The following SLC22A8 variants were observed in gnomAD, a reference collection of about 807,000 sequenced individuals.
SLC22A8 encodes the protein organic anion transporter 3.
A neutral mutation model predicts 48.4 loss-of-function variants in SLC22A8; 40 were observed. The ratio of observed to expected loss-of-function variants is 0.83; its 90% CI spans 0.64 to 1.08. The LOEUF (loss-of-function observed/expected upper bound fraction) is 1.08. Among genes scored for constraint, SLC22A8 ranks in the 50% least tolerant of loss-of-function variants. The pLI, the probability that SLC22A8 is intolerant of heterozygous loss-of-function variation, is 0.00. For synonymous variants in SLC22A8, 268 were observed against 286.3 expected (o/e 0.94, Z 0.65); for missense variants, 606 against 699.0 (o/e 0.87, Z 1.50).
chr11:63,006,263 T>C (rs1316431997), intron 2 of SLC22A8, among the ~76,000 whole-genome samples: 1 of 152,226 alleles, frequency 6.6e-6, no homozygotes, highest in African/African-American at 2.4e-5. Flanking sequence ...AGCTCCATGC[T>C]ATTGCATTTC....
At chr11:63,012,198 C>T (rs1374346161) in intron 2 of SLC22A8, among the ~76,000 whole-genome samples, 1 of 152,090 alleles carries the variant, frequency 6.6e-6, no homozygotes, top group Non-Finnish European at 1.5e-5. Context: ...CCATATTGGC[C>T]AGGCTGGTCT....
intron 2 of SLC22A8, among the ~76,000 whole-genome samples, chr11:63,005,708 G>A (rs2135135716): frequency 6.6e-6 from 1 of 152,304 alleles, no homozygotes; most frequent in Non-Finnish European, 1.5e-5. Flanking sequence ...GCGTCTACAA[G>A]CTGGGGAATG....
At position 62,994,612 on chromosome 11, in the gene SLC22A8, C is replaced by T. The variant is rs778766057; in HGVS notation, c.1146G>A (p.Arg382=). The part of the protein sequence containing the change: ...ITILSLSYLG[R]HTTQAAALLL... The stretch of plus-strand genomic sequence containing the variant: ...GCAGGGCAGCGGCCTGAGTGGTATG[C>T]CGGCCCAGGTAGCTTAAGGAGAGGA... The change falls in exon 8 of 11, where the codon CGG becomes CGA. Residue 382 remains arginine, a synonymous_variant. Coordinates refer to ENST00000336232, the MANE Select transcript of SLC22A8 (RefSeq NM_004254.4). 1.9e-6 allele frequency: 3 copies of T among 1,613,730 alleles called. No homozygotes were observed. Among genetic ancestry groups the T allele is most frequent in the Admixed American group, 1.7e-5 (1 of 59,936 alleles).
At chr11:63,010,767 A>G (rs1436691748) in intron 2 of SLC22A8, among the ~76,000 whole-genome samples, 2 of 152,138 alleles carry the variant, frequency 1.3e-5, no homozygotes, top group African/African-American at 2.4e-5. Flanking sequence ...GGTTCACACT[A>G]TCTCAGCTGC....
Position 62,995,823 on chromosome 11 carries a change from C to T in SLC22A8, c.886-4G>A, listed in dbSNP as rs372195663. ...TCTGCAGGTTGAGTTTGAGCTCCTTCGGGCAGAGGAGGGGGAGGGGTGCCA... is the reference window on the plus strand; with the variant it reads ...TCTGCAGGTTGAGTTTGAGCTCCTTTGGGCAGAGGAGGGGGAGGGGTGCCA... On this transcript the variant is annotated splice_region_variant and splice_polypyrimidine_tract_variant and intron_variant, in intron 6 of 10. Transcript: ENST00000336232. The T allele has an allele frequency of 1.5e-5, 24 of 1,609,402 alleles. No homozygotes were observed. The Middle Eastern group carries it at 6.6e-4, about 44-fold the overall frequency.
chr11:63,014,666 C>T lies in SLC22A8; in HGVS notation c.293G>A (p.Gly98Asp). The T allele has an allele frequency of 1.2e-6, 2 of 1,610,158 alleles. No homozygotes were observed. The highest frequency in any genetic ancestry group is 1.7e-6 in the Non-Finnish European group (2 of 1,177,128). The stretch of plus-strand genomic sequence containing the variant: ...GTCCTTGGTGCTGTTGTAGACCCAG[C>T]CATCCAGGCATGGCTCCATGGCCCT... ...TQRAMEPCLD[G>D]WVYNSTKDSI... The change falls in exon 2 of 11, where the codon GGC becomes GAC. Residue 98 changes from glycine (G) to aspartate (D), a missense_variant. Coordinates refer to ENST00000336232, the MANE Select transcript of SLC22A8 (RefSeq NM_004254.4).
At chr11:62,993,667 G>T in intron 9 of SLC22A8, 40 bp from the exon 10 acceptor site, 1 of 1,601,524 alleles carries the variant, frequency 6.2e-7, no homozygotes, top group Non-Finnish European at 8.5e-7. Flanking sequence ...CCTGTGTGTG[G>T]GGTTCATAAA....
intron 4 of SLC22A8, 107 bp from the exon 5 acceptor site, chr11:62,999,196 A>G (rs1207367139): frequency 2.1e-6 from 2 of 971,326 alleles, no homozygotes; most frequent in East Asian, 4.9e-5. Flanking sequence ...CATCCTCCCC[A>G]CGGATGCTGT....
Position 62,992,969 on chromosome 11 carries a change from G to C in SLC22A8, c.*268C>G, listed in dbSNP as rs2135112280. The C allele has an allele frequency of 1.9e-6, 1 of 513,188 alleles. No homozygotes were observed. The highest frequency in any genetic ancestry group is 3.4e-5 in the South Asian group (1 of 29,644). 31.8% of individuals were successfully genotyped at this position (513,188 alleles called of 1,614,324 possible). The stretch of plus-strand genomic sequence containing the variant: ...GGGGACCTCAGGGGAAGAGGACCGG[G>C]ACAGTGGGGGAAGGTGGCCAGTGGG... On this transcript the variant is annotated 3_prime_UTR_variant, in exon 11 of 11. Transcript: ENST00000336232.
intron 2 of SLC22A8, among the ~76,000 whole-genome samples, chr11:63,012,541 C>T (rs1188499344): frequency 1.3e-5 from 2 of 152,210 alleles, no homozygotes; most frequent in Non-Finnish European, 2.9e-5. Flanking sequence ...GCATTACTGA[C>T]TCCAGCAAGC....
At chr11:62,999,982 A>T (rs1002753088) in intron 3 of SLC22A8, 140 bp from the exon 4 acceptor site, 1 of 630,510 alleles carries the variant, frequency 1.6e-6, no homozygotes, top group African/African-American at 1.9e-5. Flanking sequence ...CTCCCCAGAC[A>T]CAGCTTTCTT....
intron 2 of SLC22A8, among the ~76,000 whole-genome samples, chr11:63,010,140 C>G (rs947350476): frequency 6.6e-6 from 1 of 152,176 alleles, no homozygotes; most frequent in Non-Finnish European, 1.5e-5. Flanking sequence ...TGTGCCAGGC[C>G]CTGGGCTCAG....
chr11:63,001,959 C>G (rs1008273972), intron 2 of SLC22A8, among the ~76,000 whole-genome samples: 16 of 152,232 alleles, frequency 1.1e-4, no homozygotes, highest in African/African-American at 3.9e-4. Context: ...GGGTCTCACT[C>G]TGTCACCCAG....
At chr11:62,993,376 C>A (rs773242664) in intron 10 of SLC22A8, 40 bp from the exon 11 acceptor site, 2 of 1,612,824 alleles carry the variant, frequency 1.2e-6, no homozygotes, top group East Asian at 4.5e-5. Flanking sequence ...GGGCCCAGAC[C>A]TGCTTCCCCA....
intron 2 of SLC22A8, among the ~76,000 whole-genome samples, chr11:63,012,045 A>AG (rs931500809): frequency 9.5e-5 from 14 of 147,954 alleles, no homozygotes; most frequent in Admixed American, 1.4e-4. Flanking sequence ...GCTGGAGTGC[A>AG]GTGGTGTGAT....
intron 7 of SLC22A8, 115 bp downstream of exon 7, chr11:62,995,589 G>C (rs973017916): frequency 1.5e-5 from 11 of 740,672 alleles, no homozygotes; most frequent in Non-Finnish European, 2.4e-5. Flanking sequence ...CCCAGGAGAG[G>C]GGATTCTCTG....
intron 2 of SLC22A8, among the ~76,000 whole-genome samples, chr11:63,010,033 G>A (rs148039398): frequency 6.6e-6 from 1 of 152,182 alleles, no homozygotes; most frequent in African/African-American, 2.4e-5. Flanking sequence ...CTTGTGATGG[G>A]GACAAACCCT....
chr11:63,001,250 C>G (rs1010689840), intron 2 of SLC22A8, among the ~76,000 whole-genome samples: 22 of 152,122 alleles, frequency 1.4e-4, no homozygotes, highest in Non-Finnish European at 1.3e-4. Flanking sequence ...TCCTGCAGAT[C>G]CAGTCTCTCT....
intron 2 of SLC22A8, among the ~76,000 whole-genome samples, chr11:63,002,583 G>C (rs370735017): frequency 1.3e-5 from 2 of 151,742 alleles, no homozygotes; most frequent in African/African-American, 4.8e-5. Flanking sequence ...CTCTACTTCT[G>C]TGAATTGGAC....
Sources: gnomAD v4.1 joint callset for allele counts (sites outside exome capture counted in the v4.1 genomes callset) on GRCh38, gnomAD v4.1.1 for gene constraint, MANE v1.5 for transcripts, NCBI Gene and HGNC (gene_info 2026-07-23, HGNC 2026-07-21) for gene names.